Variants in RAB31 observed in about 807,000 individuals in gnomAD.
RAB31 encodes the protein ras-related protein Rab-31.
In RAB31, 21 loss-of-function variants were observed where a neutral mutation model predicts 25.6. That is an observed-to-expected ratio of 0.82 (90% confidence interval 0.58 to 1.18). RAB31 has a LOEUF of 1.18. Ranked by LOEUF, RAB31 falls within the 50% of genes most tolerant of loss-of-function variation. The probability of loss-of-function intolerance (pLI) is 0.00; values close to 1 mark genes in which losing one functional copy is unlikely to be tolerated. For synonymous variants in RAB31, 87 were observed against 84.0 expected, an observed-to-expected ratio of 1.04 and a Z score of -0.20; for missense variants, 196 against 250.1, an observed-to-expected ratio of 0.78 and a Z score of 1.46.
At chr18:9,731,822 C>T (rs1301904620) in intron 1 of RAB31, among the ~76,000 whole-genome samples, 1 of 152,060 alleles carries the variant, frequency 6.6e-6, no homozygotes, top group Non-Finnish European at 1.5e-5. Flanking sequence ...TCTCGAACTC[C>T]TGGCCTCAAG....
chr18:9,734,503 A>T (rs2068140582), intron 1 of RAB31, among the ~76,000 whole-genome samples: 1 of 152,140 alleles, frequency 6.6e-6, no homozygotes, highest in African/African-American at 2.4e-5. Flanking sequence ...AGCCGAGAGG[A>T]TGACTGTAGC....
At chr18:9,850,654 C>A (rs1243661226) in intron 6 of RAB31, among the ~76,000 whole-genome samples, 1 of 152,084 alleles carries the variant, frequency 6.6e-6, no homozygotes, top group African/African-American at 2.4e-5. Context: ...AGACATTAGA[C>A]CAGGTTTTAT....
chr18:9,756,457 T>C (rs2068260874), intron 1 of RAB31, among the ~76,000 whole-genome samples: 1 of 152,226 alleles, frequency 6.6e-6, no homozygotes, highest in South Asian at 2.1e-4. Context: ...TCTGTTGTAA[T>C]CTAGTGCCCT....
chr18:9,829,922 G>A (rs1237849144), intron 5 of RAB31, among the ~76,000 whole-genome samples: 1 of 151,492 alleles, frequency 6.6e-6, no homozygotes, highest in Non-Finnish European at 1.5e-5. Flanking sequence ...CTATTCTTTT[G>A]TTATCTCTAT....
At chr18:9,833,313 G>C (rs1424457046) in intron 5 of RAB31, among the ~76,000 whole-genome samples, 1 of 152,168 alleles carries the variant, frequency 6.6e-6, no homozygotes, top group Non-Finnish European at 1.5e-5. Context: ...TTGGCTCCTG[G>C]GGTTCTGCCC....
At chr18:9,721,332 C>T (rs1436887676) in intron 1 of RAB31, among the ~76,000 whole-genome samples, 2 of 151,968 alleles carry the variant, frequency 1.3e-5, no homozygotes, top group Admixed American at 6.6e-5. Context: ...TGGGGTCGAC[C>T]GGGGACAGTG....
intron 6 of RAB31, among the ~76,000 whole-genome samples, chr18:9,857,667 A>AGATAGATAGAT (rs1431684638): frequency 6.4e-5 from 8 of 125,846 alleles, no homozygotes; most frequent in African/African-American, 2.3e-4. Flanking sequence ...ATAGATAGAT[A>AGATAGATAGAT]GATAGATAGA....
intron 1 of RAB31, chr18:9,734,940 T>C (rs1290474407): frequency 3.1e-6 from 1 of 321,632 alleles, no homozygotes; most frequent in South Asian, 2.8e-5. Context: ...CAGAACTTTA[T>C]AGTAGCCCAG....
At chr18:9,838,374 A>G (rs2068715544) in intron 5 of RAB31, among the ~76,000 whole-genome samples, 1 of 152,202 alleles carries the variant, frequency 6.6e-6, no homozygotes, top group Non-Finnish European at 1.5e-5. Context: ...GTACTCAGGC[A>G]GACTGGTGTG....
intron 1 of RAB31, among the ~76,000 whole-genome samples, chr18:9,771,414 G>T (rs888978482): frequency 2.0e-5 from 3 of 152,210 alleles, no homozygotes; most frequent in Non-Finnish European, 2.9e-5. Flanking sequence ...TTCCGTCAGT[G>T]TGGCCCTAAA....
At chr18:9,712,882 C>G (rs762426465) in intron 1 of RAB31, among the ~76,000 whole-genome samples, 7 of 152,236 alleles carry the variant, frequency 4.6e-5, no homozygotes, top group Admixed American at 1.3e-4. Context: ...GATGGCTTCC[C>G]TGCTTCTGGT....
At chr18:9,742,801 T>C (rs535415904) in intron 1 of RAB31, among the ~76,000 whole-genome samples, 52 of 152,306 alleles carry the variant, frequency 3.4e-4, no homozygotes, top group African/African-American at 1.2e-3. Flanking sequence ...AGAGTGCTTT[T>C]TCCCCAGCGA....
intron 2 of RAB31, among the ~76,000 whole-genome samples, chr18:9,778,387 T>C (rs1196392479): frequency 1.3e-5 from 2 of 152,304 alleles, no homozygotes; most frequent in Admixed American, 6.5e-5. Flanking sequence ...AAAAAACTTA[T>C]GTATTACAAT....
At chr18:9,751,545 C>T (rs1365544344) in intron 1 of RAB31, among the ~76,000 whole-genome samples, 2 of 152,194 alleles carry the variant, frequency 1.3e-5, no homozygotes, top group East Asian at 3.9e-4. Flanking sequence ...TGGCAAGGCC[C>T]TTACATCGGG....
At chr18:9,722,309 C>T (rs968379683) in intron 1 of RAB31, among the ~76,000 whole-genome samples, 6 of 152,104 alleles carry the variant, frequency 3.9e-5, no homozygotes, top group African/African-American at 9.7e-5. Flanking sequence ...AACATGGGAG[C>T]GGTGGTGACT....
At chr18:9,854,539 CT>C (rs1727553652) in intron 6 of RAB31, among the ~76,000 whole-genome samples, 2 of 152,204 alleles carry the variant, frequency 1.3e-5, no homozygotes, top group Admixed American at 6.5e-5. Flanking sequence ...CACCTAACCC[CT>C]GACCTGGGCT....
In RAB31 at chr18:9,746,738, C is replaced by T. The variant is rs530331973; in HGVS notation, c.40-28540C>T. 2.0e-5 allele frequency among the ~76,000 whole-genome samples: 3 copies of T among 152,296 alleles called. No individual in the cohort carries two copies. In the South Asian group the frequency reaches 6.2e-4, roughly 32 times the overall value. ...CATGTTTAAGTTTAATCCCTACTTA[C>T]ACATTTGCATACCCTTTATACAAAA... On this transcript the variant is annotated intron_variant, in intron 1 of 6. Transcript: ENST00000578921.
intron 5 of RAB31, among the ~76,000 whole-genome samples, chr18:9,817,912 T>C (rs2068607088): frequency 6.6e-6 from 1 of 152,188 alleles, no homozygotes; most frequent in African/African-American, 2.4e-5. Context: ...TGCAGGGCCA[T>C]CCAGCTGCTA....
intron 1 of RAB31, among the ~76,000 whole-genome samples, chr18:9,772,890 A>C (rs535809040): frequency 0.013 from 1,927 of 152,212 alleles, 33 homozygotes; most frequent in African/African-American, 0.044. Context: ...GGGTCTTAAG[A>C]ACAACTGAGA....
Sources: allele counts gnomAD v4.1 joint callset (sites outside exome capture counted in the v4.1 genomes callset), GRCh38; gene constraint gnomAD v4.1.1; transcripts MANE v1.5; gene names NCBI Gene and HGNC (gene_info 2026-07-23, HGNC 2026-07-21).